The following FSHR variants were observed in gnomAD, a reference collection of about 807,000 sequenced individuals.
The protein encoded by FSHR is follicle-stimulating hormone receptor.
In FSHR, 46 loss-of-function variants were observed where a neutral mutation model predicts 52.1. The observed-to-expected ratio is 0.88, with a 90% CI of 0.70 to 1.13. FSHR has a LOEUF of 1.13. Among genes scored for constraint, FSHR ranks in the 50% most tolerant of loss-of-function variants. FSHR has a pLI of 0.00. For missense variants in FSHR, 964 were observed against 834.6 expected, an observed-to-expected ratio of 1.16 and a Z score of -1.91; for synonymous variants, 399 against 309.6, an observed-to-expected ratio of 1.29 and a Z score of -3.03.
intron 1 of FSHR, among the ~76,000 whole-genome samples, chr2:49,097,322 T>C (rs1670864980): frequency 6.6e-6 from 1 of 152,210 alleles, no homozygotes; most frequent in East Asian, 1.9e-4. Context: ...ATGAGAATTG[T>C]AGAATTTCTA....
At chr2:48,995,346 A>G (rs1559114166) in intron 4 of FSHR, among the ~76,000 whole-genome samples, 1 of 152,108 alleles carries the variant, frequency 6.6e-6, no homozygotes, top group Admixed American at 6.6e-5. Flanking sequence ...GGCTGGAGGA[A>G]CAATATGGGC....
At chr2:49,124,343 G>T (rs1260891987) in intron 1 of FSHR, among the ~76,000 whole-genome samples, 1 of 151,842 alleles carries the variant, frequency 6.6e-6, no homozygotes, top group East Asian at 1.9e-4. Context: ...AAGGGCAAGG[G>T]ATGGGCAAAA....
chr2:49,066,623 G>A (rs1373886701), intron 2 of FSHR, among the ~76,000 whole-genome samples: 1 of 152,072 alleles, frequency 6.6e-6, no homozygotes, highest in African/African-American at 2.4e-5. Context: ...AAATGTACAA[G>A]CTGTGTCTGA....
At chr2:49,038,931 TGATAACATTTCAAACCCTAACGGGAAA>T (rs1668388672) in intron 2 of FSHR, among the ~76,000 whole-genome samples, 1 of 152,136 alleles carries the variant, frequency 6.6e-6, no homozygotes, top group Non-Finnish European at 1.5e-5. Context: ...GAAATTGTAA[TGATAACATTTCAAACCCTAACGGGAAA>T]GATTTTATTG....
intron 1 of FSHR, among the ~76,000 whole-genome samples, chr2:49,121,779 C>G (rs1671824939): frequency 6.8e-6 from 1 of 147,560 alleles, no homozygotes; most frequent in African/African-American, 2.5e-5. Context: ...CTGAGTCTTT[C>G]ATTTTTAATA....
At chr2:49,034,443 T>C (rs1048947058) in intron 2 of FSHR, among the ~76,000 whole-genome samples, 1 of 152,354 alleles carries the variant, frequency 6.6e-6, no homozygotes, top group South Asian at 2.1e-4. Flanking sequence ...AAGTGGTATA[T>C]GCAGGTGTCA....
At chr2:49,016,698 G>A (rs547605987) in intron 4 of FSHR, among the ~76,000 whole-genome samples, 9 of 152,288 alleles carry the variant, frequency 5.9e-5, no homozygotes, top group Middle Eastern at 6.8e-3. Context: ...ACAAGTAGTT[G>A]TTGCTTTAAG....
At chr2:49,086,795 C>G (rs1176907329) in intron 1 of FSHR, among the ~76,000 whole-genome samples, 1 of 152,272 alleles carries the variant, frequency 6.6e-6, no homozygotes, top group Admixed American at 6.5e-5. Context: ...TGCCCGCCAT[C>G]ATGTCTGGCT....
At chr2:49,088,483 G>T (rs772101175) in intron 1 of FSHR, among the ~76,000 whole-genome samples, 1 of 152,134 alleles carries the variant, frequency 6.6e-6, no homozygotes, top group South Asian at 2.1e-4. Flanking sequence ...TCTGCACCCC[G>T]GTTGGGATAA....
At chr2:49,092,814 C>G (rs889929592) in intron 1 of FSHR, among the ~76,000 whole-genome samples, 1 of 152,074 alleles carries the variant, frequency 6.6e-6, no homozygotes, top group Non-Finnish European at 1.5e-5. Flanking sequence ...TACAGATGCG[C>G]ACCACCATGC....
intron 2 of FSHR, among the ~76,000 whole-genome samples, chr2:49,046,104 G>T (rs908700187): frequency 6.6e-6 from 1 of 152,186 alleles, no homozygotes; most frequent in Non-Finnish European, 1.5e-5. Context: ...CTGTGAGGTA[G>T]GAACAAATAC....
intron 2 of FSHR, among the ~76,000 whole-genome samples, chr2:49,048,955 A>G (rs1668757148): frequency 6.6e-6 from 1 of 152,138 alleles, no homozygotes; most frequent in African/African-American, 2.4e-5. Context: ...CACAGCCCAG[A>G]TGGATGTGGT....
intron 1 of FSHR, among the ~76,000 whole-genome samples, chr2:49,096,325 G>A (rs1005104575): frequency 1.3e-5 from 2 of 152,184 alleles, no homozygotes; most frequent in Non-Finnish European, 2.9e-5. Flanking sequence ...GATGAAACTT[G>A]AAGACATTAT....
At chr2:49,013,927 A>G (rs1357852439) in intron 4 of FSHR, among the ~76,000 whole-genome samples, 3 of 152,170 alleles carry the variant, frequency 2.0e-5, no homozygotes, top group African/African-American at 4.8e-5. Context: ...AGGAAGAGAC[A>G]TGGGATCTCT....
At chr2:49,002,036 T>C (rs761642079) in intron 4 of FSHR, among the ~76,000 whole-genome samples, 2 of 152,136 alleles carry the variant, frequency 1.3e-5, no homozygotes, top group Non-Finnish European at 2.9e-5. Context: ...TTCCCCAGTA[T>C]AATTTCATAA....
chr2:48,980,407 C>T (rs1187202557), intron 8 of FSHR, among the ~76,000 whole-genome samples: 1 of 152,208 alleles, frequency 6.6e-6, no homozygotes, highest in Non-Finnish European at 1.5e-5. Flanking sequence ...CCGATGCTTT[C>T]ACAGAGGCTC....
In FSHR at chr2:49,049,493, G is replaced by C. The variant is rs994934103; in HGVS notation, c.224+18726C>G. 5.9e-5 allele frequency among the ~76,000 whole-genome samples: 9 copies of C among 152,170 alleles called. No homozygotes were observed. The East Asian group carries it at 1.7e-3, about 29-fold the overall frequency. On this transcript the variant is annotated intron_variant, in intron 2 of 9. Transcript: ENST00000406846. ...AAGTCATCAGGACCATGAATGCTTGGAGTATCAAATGGCCAAGAGGGTGGG... is the reference window on the plus strand; with the variant it reads ...AAGTCATCAGGACCATGAATGCTTGCAGTATCAAATGGCCAAGAGGGTGGG...
Position 48,963,261 on chromosome 2 carries a change from C to A in FSHR, c.1560G>T (p.Met520Ile), listed in dbSNP as rs759405654. ...SYMKVSICLP[M>I]DIDSPLSQLY... Reference sequence around the variant, plus strand: ...GCTGTGACAAAGGGCTGTCAATATCCATGGGCAGGCAGATGCTCACCTTCA... The same window carrying A: ...GCTGTGACAAAGGGCTGTCAATATCAATGGGCAGGCAGATGCTCACCTTCA... The change falls in exon 10 of 10, where the codon ATG becomes ATT. Residue 520 changes from methionine to isoleucine, a missense_variant. Met to Ile is a conservative substitution (Grantham distance 10). Coordinates refer to ENST00000406846, the MANE Select transcript of FSHR (RefSeq NM_000145.4). 6 of 1,614,124 alleles carry A rather than the reference C, an allele frequency of 3.7e-6. No homozygotes were observed. In the South Asian group the frequency reaches 6.6e-5, roughly 18 times the overall value.
At chr2:48,971,263 T>A (rs932440399) in intron 8 of FSHR, among the ~76,000 whole-genome samples, 1 of 152,170 alleles carries the variant, frequency 6.6e-6, no homozygotes, top group African/African-American at 2.4e-5. Context: ...CAGCTTTCAA[T>A]TGGGTTTAGC....
Sources: gnomAD v4.1 joint callset for allele counts (sites outside exome capture counted in the v4.1 genomes callset) on GRCh38, gnomAD v4.1.1 for gene constraint, MANE v1.5 for transcripts, NCBI Gene and HGNC (gene_info 2026-07-23, HGNC 2026-07-21) for gene names.